The following TRRAP variants were observed in gnomAD, a reference collection of about 807,000 sequenced individuals.
TRRAP encodes transformation/transcription domain-associated protein.
TRRAP carries 41 observed loss-of-function variants against 438.8 expected under a neutral mutation model. That is an observed-to-expected ratio of 0.09 (90% CI 0.07 to 0.12). The LOEUF (loss-of-function observed/expected upper bound fraction) is 0.12, where lower values mean the gene tolerates loss of function less well. Among genes scored for constraint, TRRAP ranks in the 10% least tolerant of loss-of-function variants. The probability of loss-of-function intolerance (pLI) is 1.00; values close to 1 mark genes in which losing one functional copy is unlikely to be tolerated. For missense variants in TRRAP, 3,122 were observed against 5,055.1 expected (o/e 0.62, Z 11.60); for synonymous variants, 1,994 against 1,962.9 (o/e 1.02, Z -0.42).
chr7:98,947,828 T>C (rs1457338180), intron 33 of TRRAP, among the ~76,000 whole-genome samples: 1 of 152,202 alleles, frequency 6.6e-6, no homozygotes, highest in Non-Finnish European at 1.5e-5. Context: ...CGTGATACCT[T>C]GGCAAAGTAG....
chr7:98,915,648 T>A, intron 18 of TRRAP, 75 bp from the exon 19 acceptor site: 1 of 1,512,486 alleles, frequency 6.6e-7, no homozygotes, highest in Non-Finnish European at 8.9e-7. Context: ...CGGATTACAG[T>A]GACACTTTAG....
intron 56 of TRRAP, 82 bp from the exon 57 acceptor site, chr7:98,978,120 CAAAAAACTT>C: frequency 8.3e-7 from 1 of 1,207,746 alleles, no homozygotes; most frequent in Non-Finnish European, 1.2e-6. Context: ...AACCTCATCT[CAAAAAACTT>C]AGTTCTAAGT....
rs982404693 is a variant in TRRAP at position 98,994,891 on chromosome 7, A to G, written c.10309+43A>G. 7 of 1,598,252 alleles carry G rather than the reference A, an allele frequency of 4.4e-6. No individual in the cohort carries two copies. The highest frequency in any genetic ancestry group is 6.0e-6 in the Non-Finnish European group (7 of 1,169,926). On this transcript the variant is annotated intron_variant, in intron 67 of 72. Coordinates refer to ENST00000456197, the MANE Select transcript of TRRAP (RefSeq NM_001375524.1). This position sits in a 1 kb window ranked among gnomAD's most constrained non-coding sequence, Gnocchi z 4.8. ...TTCCCTTCCATAGGGAGAATTGTGC[A>G]CGCTGATTTCCTCCGGCTTTAGTGT...
intron 10 of TRRAP, 87 bp downstream of exon 10, chr7:98,899,854 T>G: frequency 6.9e-7 from 1 of 1,450,208 alleles, no homozygotes; most frequent in Non-Finnish European, 9.6e-7. Context: ...ACATGAAAAT[T>G]ATGAGTGATA....
chr7:98,931,557 A>G lies in TRRAP; in HGVS notation c.3744A>G (p.Glu1248=). The change falls in exon 26 of 73, where the codon GAA becomes GAG. Residue 1248 remains glutamate, a synonymous_variant. Transcript: ENST00000456197. Reference sequence around the variant, plus strand: ...ATGTGACACACGACTTGGTTCGAGAAGTCACCTCTCCAAACTCCACTGTGA... The same window carrying G: ...ATGTGACACACGACTTGGTTCGAGAGGTCACCTCTCCAAACTCCACTGTGA... ...FHHVTHDLVR[E]VTSPNSTVRK... 1 of 1,614,220 alleles carries G rather than the reference A, an allele frequency of 6.2e-7. No individual in the cohort carries two copies.
At chr7:98,953,095 C>G in intron 39 of TRRAP, 72 bp from the exon 40 acceptor site, 2 of 1,479,258 alleles carry the variant, frequency 1.4e-6, no homozygotes, top group Non-Finnish European at 1.8e-6. Context: ...AAGGCTTAAA[C>G]CTGTCGTATG....
rs934489621 is a variant in TRRAP, at chr7:98,899,603, A to G, written c.712-76A>G. 157 of 1,604,758 alleles carry G rather than the reference A, an allele frequency of 9.8e-5. 2 individuals carry two copies. The Admixed American group carries it at 2.4e-3, about 25-fold the overall frequency. The stretch of plus-strand genomic sequence containing the variant: ...TAATACACACATGCTAAATAATGTG[A>G]TGATTCTTCGGTATGCCAGATTTTG... On this transcript the variant is annotated intron_variant, in intron 9 of 72. Coordinates refer to ENST00000456197, the MANE Select transcript of TRRAP (RefSeq NM_001375524.1).
In TRRAP at chr7:98,964,907, T is replaced by TA. The variant is rs796317812; in HGVS notation, c.6976+133dup. 1.1e-5 allele frequency: 13 copies of TA among 1,160,734 alleles called. No individual in the cohort carries two copies. In the East Asian group the frequency reaches 2.8e-4, roughly 25 times the overall value. 71.9% of individuals were successfully genotyped at this position (1,160,734 alleles called of 1,614,324 possible). On this transcript the variant is annotated intron_variant, in intron 48 of 72. Transcript: ENST00000456197. The stretch of plus-strand genomic sequence containing the variant: ...GTCCTGTTGTTTGGTCGTAAATCGT[T>TA]ACCATTTGCTCTTCAATGTAGGGGT...
chr7:98,992,054 C>T (rs1168820065), intron 64 of TRRAP, 83 bp from the exon 65 acceptor site: 27 of 1,473,076 alleles, frequency 1.8e-5, no homozygotes, highest in Non-Finnish European at 2.4e-5. Context: ...TCTGACTTGA[C>T]ATTGGTTATT....
At chr7:98,940,732 G>A (rs1365302262) in intron 30 of TRRAP, among the ~76,000 whole-genome samples, 1 of 152,142 alleles carries the variant, frequency 6.6e-6, no homozygotes, top group African/African-American at 2.4e-5. Context: ...CATCCACCTG[G>A]ACTTAACGTT....
At chr7:98,998,503 A>G (rs75422285) in intron 67 of TRRAP, 6,674 of 182,770 alleles carry the variant, frequency 0.037, 158 homozygotes, top group Middle Eastern at 0.084. Context: ...GGGAAAACCA[A>G]TCCACTTCCA....
chr7:98,912,438 CTTTATA>C (rs1320874566), intron 18 of TRRAP, among the ~76,000 whole-genome samples: 9 of 150,664 alleles, frequency 6.0e-5, no homozygotes, highest in South Asian at 2.1e-4. Flanking sequence ...TATAGTGACT[CTTTATA>C]TTTATAAAGT....
intron 67 of TRRAP, chr7:98,999,099 C>G (rs959139224): frequency 3.0e-5 from 42 of 1,394,456 alleles, no homozygotes; most frequent in Admixed American, 1.1e-4. Flanking sequence ...GCTCTTTGAC[C>G]TGGCCAGGAG....
rs748558376 is a variant in TRRAP at position 98,981,775 on chromosome 7, G to A, written c.8641G>A (p.Val2881Met). 12 of 1,599,938 alleles carry A rather than the reference G, an allele frequency of 7.5e-6. No homozygotes were observed. Among genetic ancestry groups the A allele is most frequent in the Non-Finnish European group, 1.0e-5 (12 of 1,174,114 alleles). Residue 2881 changes from valine (V) to methionine (M), a missense_variant, in exon 59 of 73, where the codon GTG becomes ATG. Around this residue, in one of 24 missense-constraint regions of TRRAP, gnomAD observed 992 missense variants for 1,281.2 expected, o/e 0.77. Transcript: ENST00000456197. ...CACGTTCTTTCACTGCCAGGTGGAA[G>A]TGAGCTGTCCGAAGGAGATGGCCTG... ...AMKEALVQVEVSCPKEMAWKV... is the reference protein window; with the variant it reads ...AMKEALVQVEMSCPKEMAWKV...
At position 98,930,765 on chromosome 7, in the gene TRRAP, G is replaced by A. The variant is rs2116512473; in HGVS notation, c.3526G>A (p.Val1176Ile). 3 of 1,614,214 alleles carry A rather than the reference G, an allele frequency of 1.9e-6. No homozygotes were observed. Among genetic ancestry groups the A allele is most frequent in the Non-Finnish European group, 2.5e-6 (3 of 1,180,042 alleles). ...CATGGAGCGGCTGCCTCTCACTTGG[G>A]TTCTCCAGAACCAGCAGACATTCCT... Reference protein sequence around the residue: ...FLMERLPLTWVLQNQQTFLKA... With the variant: ...FLMERLPLTWILQNQQTFLKA... Residue 1176 changes from valine to isoleucine, a missense_variant, in exon 25 of 73, where the codon GTT becomes ATT. Physicochemically the swap from Val to Ile is conservative, Grantham distance 29 (BLOSUM62 3). Transcript: ENST00000456197.
chr7:98,905,541 C>T (rs995060308), intron 12 of TRRAP, among the ~76,000 whole-genome samples: 6 of 152,042 alleles, frequency 3.9e-5, no homozygotes, highest in Admixed American at 1.3e-4. Context: ...GAGTGGTGAC[C>T]GGTTGTTTCT....
intron 53 of TRRAP, among the ~76,000 whole-genome samples, chr7:98,973,912 G>A (rs1562966919): frequency 1.3e-5 from 2 of 152,158 alleles, no homozygotes; most frequent in African/African-American, 2.4e-5. Flanking sequence ...GGGTACTTGG[G>A]TGTGATTTAA....
chr7:98,895,728 A>C (rs1554405625), intron 6 of TRRAP, 36 bp from the exon 7 acceptor site: 1 of 1,546,530 alleles, frequency 6.5e-7, no homozygotes, highest in East Asian at 2.3e-5. Flanking sequence ...CTGTTTATGA[A>C]TATCTTCCTA....
chr7:98,889,925 A>G (rs1417703790), intron 3 of TRRAP, among the ~76,000 whole-genome samples: 1 of 152,170 alleles, frequency 6.6e-6, no homozygotes, highest in Non-Finnish European at 1.5e-5. Context: ...TATAATTAGT[A>G]TACATCTAAT....
Sources: allele counts gnomAD v4.1 joint callset (sites outside exome capture counted in the v4.1 genomes callset), GRCh38; gene constraint gnomAD v4.1.1; regional missense constraint gnomAD v4.1.1; non-coding constraint Gnocchi (gnomAD v3.1); transcripts MANE v1.5; gene names NCBI Gene and HGNC (gene_info 2026-07-23, HGNC 2026-07-21).